PSTPIP2: variants seen among roughly 807,000 people sequenced by gnomAD.
The protein encoded by PSTPIP2 is proline-serine-threonine phosphatase interacting protein 2.
PSTPIP2 carries 33 observed loss-of-function variants against 63.3 expected under a neutral mutation model. That is an observed-to-expected ratio of 0.52 (90% CI 0.40 to 0.70). The LOEUF (loss-of-function observed/expected upper bound fraction) is 0.70, where lower values mean the gene tolerates loss of function less well. Among genes scored for constraint, PSTPIP2 ranks in the 30% least tolerant of loss-of-function variants. The probability of loss-of-function intolerance (pLI) is 0.00; values close to 1 mark genes in which losing one functional copy is unlikely to be tolerated. For missense variants in PSTPIP2, 312 were observed against 400.7 expected (o/e 0.78, Z 1.89); for synonymous variants, 125 against 132.7 (o/e 0.94, Z 0.40).
intron 5 of PSTPIP2, among the ~76,000 whole-genome samples, chr18:46,009,362 T>TAA (rs749693553): frequency 0.034 from 1,608 of 46,766 alleles, 138 homozygotes; most frequent in Non-Finnish European, 0.044. Context: ...TTTTATGGTG[T>TAA]AAAAAAAAAA....
At chr18:46,003,580 T>A (rs955140042) in intron 6 of PSTPIP2, among the ~76,000 whole-genome samples, 4 of 151,996 alleles carry the variant, frequency 2.6e-5, no homozygotes, top group African/African-American at 9.7e-5. Flanking sequence ...TTTATTTATT[T>A]TTTTTATTTT....
chr18:46,048,203 A>T (rs962573071), intron 1 of PSTPIP2, among the ~76,000 whole-genome samples: 1 of 151,740 alleles, frequency 6.6e-6, no homozygotes, highest in African/African-American at 2.4e-5. Flanking sequence ...CCAGAGAAAG[A>T]GATTTTAAGA....
rs2051538356 is a variant in PSTPIP2, at chr18:45,991,913, A to G, written c.909T>C (p.Pro303=). 1 of 1,609,242 alleles carries G rather than the reference A, an allele frequency of 6.2e-7. No individual in the cohort carries two copies. Among genetic ancestry groups the G allele is most frequent in the South Asian group, 1.1e-5 (1 of 90,748 alleles). ...CAGCTGGTTATTACCTTGCCAAGTTAGGCCCTGTAGCCTTTCCTGCTGGGA... is the reference window on the plus strand; with the variant it reads ...CAGCTGGTTATTACCTTGCCAAGTTGGGCCCTGTAGCCTTTCCTGCTGGGA... The part of the protein sequence containing the change: ...NAVPAGKATG[P]NLARRGPLPI... Residue 303 remains proline (P), a synonymous_variant, in exon 12 of 15, where the codon CCT becomes CCC. Transcript: ENST00000409746.
intron 5 of PSTPIP2, 23 bp from the exon 6 acceptor site, chr18:46,005,554 CTTAATAAAAACACAAATCATTA>C: frequency 6.6e-7 from 1 of 1,506,550 alleles, no homozygotes. Flanking sequence ...CATAAACACT[CTTAATAAAAACACAAATCATTA>C]TTAATAAAAA....
rs938355809 is a variant in PSTPIP2, at chr18:46,030,361, G to GA, written c.135-5676dup. 1.5e-3 allele frequency among the ~76,000 whole-genome samples: 225 copies of GA among 147,390 alleles called. 2 individuals are homozygous for GA. Among genetic ancestry groups the GA allele is most frequent in the South Asian group, 6.0e-3 (28 of 4,662 alleles). On this transcript the variant is annotated intron_variant, in intron 2 of 14. Coordinates refer to ENST00000409746, the MANE Select transcript of PSTPIP2 (RefSeq NM_024430.4). ...AATAAACATGTGGCAGCTTTTGTTT[G>GA]AAAAAAAAAAGTAAGAGGATAGAGA...
intron 1 of PSTPIP2, among the ~76,000 whole-genome samples, chr18:46,063,594 G>C (rs751729636): frequency 4.7e-4 from 71 of 150,580 alleles, no homozygotes; most frequent in South Asian, 6.3e-4. Flanking sequence ...TGCCTATACT[G>C]GATGTTAGAA....
At chr18:45,999,342 G>C in intron 7 of PSTPIP2, 94 bp downstream of exon 7, 1 of 1,175,700 alleles carries the variant, frequency 8.5e-7, no homozygotes, top group Non-Finnish European at 1.3e-6. Context: ...CAGGGGTTTA[G>C]GATACAGGTT....
chr18:46,047,746 T>C (rs1016145181), intron 1 of PSTPIP2, among the ~76,000 whole-genome samples: 1 of 152,124 alleles, frequency 6.6e-6, no homozygotes, highest in African/African-American at 2.4e-5. Flanking sequence ...TGTTCTTCAA[T>C]AAAGTTGGGA....
intron 5 of PSTPIP2, among the ~76,000 whole-genome samples, chr18:46,007,978 C>T (rs1388137811): frequency 2.0e-5 from 3 of 152,296 alleles, no homozygotes; most frequent in South Asian, 2.1e-4. Flanking sequence ...CCTGGATTTA[C>T]GTGTCCTTGT....
chr18:45,991,001 C>T lies in PSTPIP2; in HGVS notation c.921-245G>A, dbSNP rs7237602. 0.23 allele frequency among the ~76,000 whole-genome samples: 34,617 copies of T among 152,000 alleles called. 5,426 individuals carry two copies. The highest frequency in any genetic ancestry group is 0.43 in the African/African-American group (17,759 of 41,404). ...AGCACAGAGCCTTATCCCCACAACC[C>T]GGACTGGCAGGATTAAAATCTTAGC... is the stretch of plus-strand genomic sequence containing the variant. On this transcript the variant is annotated intron_variant, in intron 12 of 14. Coordinates refer to ENST00000409746, the MANE Select transcript of PSTPIP2 (RefSeq NM_024430.4).
chr18:45,987,420 G>A (rs57140490), intron 14 of PSTPIP2, among the ~76,000 whole-genome samples: 36,820 of 152,004 alleles, frequency 0.24, 6,429 homozygotes, highest in African/African-American at 0.48. Flanking sequence ...CCCACCCACT[G>A]CCTGCCACTT....
intron 4 of PSTPIP2, among the ~76,000 whole-genome samples, chr18:46,011,535 G>A (rs2051796802): frequency 6.6e-6 from 1 of 152,096 alleles, no homozygotes; most frequent in South Asian, 2.1e-4. Context: ...AGGGTGCCCA[G>A]GACTAGGGAG....
intron 4 of PSTPIP2, 140 bp from the exon 5 acceptor site, chr18:46,011,427 T>C (rs766641796): frequency 6.4e-5 from 43 of 673,194 alleles, no homozygotes; most frequent in Non-Finnish European, 8.2e-5. Context: ...GTCACCAACA[T>C]GTATTGAACC....
At chr18:46,026,809 G>A (rs1907594368) in intron 2 of PSTPIP2, among the ~76,000 whole-genome samples, 1 of 152,158 alleles carries the variant, frequency 6.6e-6, no homozygotes, top group Admixed American at 6.5e-5. Flanking sequence ...GATCACTTAA[G>A]CCTGGGAGTT....
intron 1 of PSTPIP2, among the ~76,000 whole-genome samples, chr18:46,054,427 G>A (rs1356545756): frequency 6.6e-6 from 1 of 152,046 alleles, no homozygotes; most frequent in African/African-American, 2.4e-5. Flanking sequence ...CAATAATTGT[G>A]GATATATGAC....
rs145257104 is a variant in PSTPIP2 at position 46,030,924 on chromosome 18, T to A, written c.135-6238A>T. On this transcript the variant is annotated intron_variant, in intron 2 of 14. Transcript: ENST00000409746. ...TATTTCTGTATAGACAACTTGTTTT[T>A]TCCTTCCTTGATATTTGAAGAATTC... 1.6e-3 allele frequency among the ~76,000 whole-genome samples: 240 copies of A among 152,364 alleles called. 1 individual carries two copies. Among genetic ancestry groups the A allele is most frequent in the African/African-American group, 5.6e-3 (231 of 41,592 alleles).
chr18:46,017,629 T>C (rs141713288), intron 3 of PSTPIP2, among the ~76,000 whole-genome samples: 38 of 152,254 alleles, frequency 2.5e-4, no homozygotes, highest in African/African-American at 8.4e-4. Context: ...TTTTTTGAAA[T>C]GTATTTATTT....
chr18:46,017,535 T>A (rs2051865444), intron 3 of PSTPIP2, among the ~76,000 whole-genome samples: 1 of 152,178 alleles, frequency 6.6e-6, no homozygotes, highest in South Asian at 2.1e-4. Context: ...GACCTTCTCA[T>A]CCTATTCTCC....
At chr18:46,034,304 G>A (rs537079466) in intron 2 of PSTPIP2, among the ~76,000 whole-genome samples, 1 of 152,138 alleles carries the variant, frequency 6.6e-6, no homozygotes, top group Non-Finnish European at 1.5e-5. Context: ...CCCTACTCAG[G>A]ATCCTATTGC....
Sources: gnomAD v4.1 joint callset for allele counts (sites outside exome capture counted in the v4.1 genomes callset) on GRCh38, gnomAD v4.1.1 for gene constraint, MANE v1.5 for transcripts, NCBI Gene and HGNC (gene_info 2026-07-23, HGNC 2026-07-21) for gene names.